The following NOP9 variants were observed in gnomAD, a reference collection of about 807,000 sequenced individuals.
NOP9 encodes the protein nucleolar protein 9.
Under a neutral mutation model 63.0 loss-of-function variants are expected in NOP9, and 50 were observed. The observed-to-expected ratio is 0.79, with a 90% CI of 0.63 to 1.00. The LOEUF (loss-of-function observed/expected upper bound fraction) is 1.00, where lower values mean the gene tolerates loss of function less well. Ranked by LOEUF, NOP9 falls within the 50% of genes least tolerant of loss-of-function variation. The pLI, the probability that NOP9 is intolerant of heterozygous loss-of-function variation, is 0.00. For missense variants in NOP9, 758 were observed against 803.0 expected (o/e 0.94, Z 0.68); for synonymous variants, 343 against 332.8 (o/e 1.03, Z -0.33).
the NOP9 span, chr14:24,293,242 TA>T: frequency 6.5e-6 from 1 of 154,782 alleles, no homozygotes; most frequent in Non-Finnish European, 1.4e-5. Flanking sequence ...GAGGAATTGA[TA>T]AAATAATCTA....
rs1354341488 is a variant in NOP9, at chr14:24,305,490, C to G, written c.*395C>G. ...ATGTGAGGCGTTATGCTGAAAGGTT[C>G]TGTCACGAGGGGATCAGAGGACAGT... On this transcript the variant is annotated 3_prime_UTR_variant, in exon 10 of 10. Coordinates refer to ENST00000267425, the MANE Select transcript of NOP9 (RefSeq NM_174913.3). The G allele has an allele frequency of 8.1e-6, 8 of 983,360 alleles. No homozygotes were observed. The Admixed American group carries it at 1.6e-4, about 20-fold the overall frequency. The allele number at this position is 983,360 out of a possible 1,614,324, so 60.9% of individuals were successfully genotyped here.
At chr14:24,271,438 G>T in the NOP9 span, 3 of 260,596 alleles carry the variant, frequency 1.2e-5, no homozygotes, top group Non-Finnish European at 2.2e-5. Flanking sequence ...GCCGCTACCC[G>T]CCCGTCCCAC....
the NOP9 span, chr14:24,291,289 T>G: frequency 6.7e-7 from 1 of 1,496,418 alleles, no homozygotes; most frequent in South Asian, 1.1e-5. Context: ...TGGGCCCAGT[T>G]GGACAGGGCA....
the NOP9 span, among the ~76,000 whole-genome samples, chr14:24,288,849 T>C: frequency 6.6e-6 from 1 of 152,156 alleles, no homozygotes; most frequent in Non-Finnish European, 1.5e-5. Flanking sequence ...TGTTTGTTTG[T>C]TTTTTGTTTT....
In NOP9 at chr14:24,306,122, A is replaced by G; in HGVS notation, c.*1027A>G. On this transcript the variant is annotated 3_prime_UTR_variant, in exon 10 of 10. Coordinates refer to ENST00000267425, the MANE Select transcript of NOP9 (RefSeq NM_174913.3). Reference sequence around the variant, plus strand: ...TTGGGCCTCTCCCGTCCCAGGCCATATGACAGCACTCCACTCTGTAGGACA... The same window carrying G: ...TTGGGCCTCTCCCGTCCCAGGCCATGTGACAGCACTCCACTCTGTAGGACA... The G allele has an allele frequency of 6.2e-7, 1 of 1,613,816 alleles. No individual in the cohort carries two copies. The highest frequency in any genetic ancestry group is 1.7e-4 in the Middle Eastern group (1 of 5,962).
intron 1 of NOP9, 74 bp from the exon 2 acceptor site, chr14:24,300,334 C>T: frequency 6.4e-7 from 1 of 1,560,430 alleles, no homozygotes; most frequent in Non-Finnish European, 8.7e-7. Flanking sequence ...GACCCACGAC[C>T]CTTGGTTAAG....
At chr14:24,291,463 C>T in the NOP9 span, 2 of 1,387,398 alleles carry the variant, frequency 1.4e-6, no homozygotes, top group Non-Finnish European at 2.1e-6. Flanking sequence ...ACATGTTCCT[C>T]AACCAACTCC....
At position 24,306,562 on chromosome 14, in the gene NOP9, C is replaced by T; in HGVS notation, c.*1467C>T. 6.2e-7 allele frequency: 1 copy of T among 1,613,140 alleles called. No individual in the cohort carries two copies. Among genetic ancestry groups the T allele is most frequent in the Non-Finnish European group, 8.5e-7 (1 of 1,179,130 alleles). Reference sequence around the variant, plus strand: ...AGAAGCAAGAAGGGCAGGTCTTATCCCATGCCCCTTCCCTCTTTAGCTGCC... The same window carrying T: ...AGAAGCAAGAAGGGCAGGTCTTATCTCATGCCCCTTCCCTCTTTAGCTGCC... On this transcript the variant is annotated 3_prime_UTR_variant, in exon 10 of 10. Transcript: ENST00000267425.
rs775087665 is a variant in NOP9 at position 24,300,527 on chromosome 14, T to A, written c.367T>A (p.Cys123Ser). 1.2e-6 allele frequency: 2 copies of A among 1,614,242 alleles called. No homozygotes were observed. Among genetic ancestry groups the A allele is most frequent in the Admixed American group, 1.7e-5 (1 of 60,028 alleles). ...LLGFSPLKPL[C>S]RVWAALRSNL... is the part of the protein sequence containing the mutation. Reference sequence around the variant, plus strand: ...GGGATTCAGTCCCTTGAAACCGCTTTGTCGCGTGTGGGCTGCTCTGCGCTC... The same window carrying A: ...GGGATTCAGTCCCTTGAAACCGCTTAGTCGCGTGTGGGCTGCTCTGCGCTC... The change falls in exon 2 of 10, where the codon TGT (cysteine) becomes AGT (serine). Residue 123 changes from cysteine to serine, a missense_variant. By Grantham distance (112) the Cys-to-Ser change is moderately radical (BLOSUM62 -1). Coordinates refer to ENST00000267425, the MANE Select transcript of NOP9 (RefSeq NM_174913.3).
the NOP9 span, among the ~76,000 whole-genome samples, chr14:24,285,202 G>A: frequency 4.3e-4 from 65 of 152,348 alleles, no homozygotes; most frequent in Admixed American, 9.8e-4. Context: ...TCACAGCCAT[G>A]TTTGGGTCCA....
the NOP9 span, among the ~76,000 whole-genome samples, chr14:24,271,937 ACCCATTTC>A: frequency 6.6e-6 from 1 of 151,732 alleles, no homozygotes; most frequent in Non-Finnish European, 1.5e-5. Flanking sequence ...ATTTGACGCT[ACCCATTTC>A]TTTATACTTG....
chr14:24,280,846 G>C, the NOP9 span, among the ~76,000 whole-genome samples: 9 of 152,312 alleles, frequency 5.9e-5, no homozygotes, highest in Admixed American at 2.6e-4. Context: ...CTGGGCTGGG[G>C]TGGGAGATGA....
Position 24,304,159 on chromosome 14 carries a change from C to T in NOP9, c.1529C>T (p.Thr510Met), listed in dbSNP as rs149691046. The part of the protein sequence containing the change: ...GLVLRSLGAL[T>M]GPQLLSLAQS... ...GTACTTCGAAGTCTGGGTGCCTTGA[C>T]GGGACCACAGCTTCTGTCCCTTGCC... The change falls in exon 8 of 10, where the codon ACG (threonine) becomes ATG (methionine). Residue 510 changes from threonine (T) to methionine (M), a missense_variant. Coordinates refer to ENST00000267425, the MANE Select transcript of NOP9 (RefSeq NM_174913.3). 1.9e-5 allele frequency: 30 copies of T among 1,614,100 alleles called. 1 individual carries two copies. Among genetic ancestry groups the T allele is most frequent in the African/African-American group, 9.3e-5 (7 of 74,938 alleles).
chr14:24,291,349 G>A, the NOP9 span: 6 of 1,149,942 alleles, frequency 5.2e-6, no homozygotes, highest in Admixed American at 9.0e-5. Context: ...TTTCTCTTGG[G>A]CCTTGGACTT....
At chr14:24,273,053 T>C in the NOP9 span, among the ~76,000 whole-genome samples, 1 of 152,250 alleles carries the variant, frequency 6.6e-6, no homozygotes, top group African/African-American at 2.4e-5. Flanking sequence ...TTTATGAGGT[T>C]CAGGGTGGCT....
At chr14:24,294,577 G>A in the NOP9 span, 1 of 143,216 alleles carries the variant, frequency 7.0e-6, no homozygotes, top group African/African-American at 2.6e-5. Context: ...GACAGAGCGA[G>A]ATTCCACCTC....
upstream of NOP9, chr14:24,296,642 G>C (rs1224715787): frequency 1.9e-6 from 3 of 1,613,278 alleles, no homozygotes; most frequent in Non-Finnish European, 2.5e-6. Flanking sequence ...GGTGTGAGGG[G>C]CTGGGTAATG....
rs767135052 is a variant in NOP9, at chr14:24,306,410, C to T, written c.*1315C>T. ...TCCAGCTCTGACCAGACTGCAACAC[C>T]ATCAGGCACGTGTCATCCTCCAGCA... On this transcript the variant is annotated 3_prime_UTR_variant, in exon 10 of 10. Transcript: ENST00000267425. 9 of 1,614,256 alleles carry T rather than the reference C, an allele frequency of 5.6e-6. No homozygotes were observed. The Admixed American group carries it at 1.3e-4, about 24-fold the overall frequency.
chr14:24,307,051 C>T lies in NOP9; in HGVS notation c.*1956C>T. ...GGTTTTGGTAGGTTGAACAACTTCC[C>T]AAGGTTTGACAGGCAGGAAGTGGCA... is the stretch of plus-strand genomic sequence containing the variant. On this transcript the variant is annotated 3_prime_UTR_variant, in exon 10 of 10. Coordinates refer to ENST00000267425, the MANE Select transcript of NOP9 (RefSeq NM_174913.3). The T allele has an allele frequency of 1.4e-5, 4 of 288,178 alleles. No individual in the cohort carries two copies. The South Asian group carries it at 2.1e-4, about 15-fold the overall frequency. The allele number at this position is 288,178 out of a possible 1,614,324, so 17.9% of individuals were successfully genotyped here.
Sources: gnomAD v4.1 joint callset for allele counts (sites outside exome capture counted in the v4.1 genomes callset) on GRCh38, gnomAD v4.1.1 for gene constraint, MANE v1.5 for transcripts, NCBI Gene and HGNC (gene_info 2026-07-23, HGNC 2026-07-21) for gene names.